Variants in GUCA1C observed in about 807,000 individuals in gnomAD.
The protein encoded by GUCA1C is guanylate cyclase activator 1C.
GUCA1C carries 15 observed loss-of-function variants against 16.2 expected under a neutral mutation model. That is an observed-to-expected ratio of 0.93 (90% CI 0.62 to 1.43). The LOEUF is 1.43. GUCA1C is among the 40% of genes most tolerant of loss of function. The pLI is 0.00. For synonymous variants in GUCA1C, 78 were observed against 85.4 expected (o/e 0.91, Z 0.48); for missense variants, 275 against 244.8 (o/e 1.12, Z -0.82).
At position 108,942,706 on chromosome 3, in the gene GUCA1C, G is replaced by A. The variant is rs73200612; in HGVS notation, c.204+10853C>T. 9.5e-3 allele frequency among the ~76,000 whole-genome samples: 1,453 copies of A among 152,308 alleles called. 20 individuals carry two copies. Among genetic ancestry groups the A allele is most frequent in the Non-Finnish European group, 0.013 (901 of 68,012 alleles). On this transcript the variant is annotated intron_variant, in intron 1 of 3. Coordinates refer to ENST00000261047, the MANE Select transcript of GUCA1C (RefSeq NM_005459.4). ...TGGAACCACAGAGTTAGTACAATGT[G>A]AGGGAAACCTCTCTCAAGCTTTGAT...
chr3:108,944,688 C>A (rs949987130), intron 1 of GUCA1C, among the ~76,000 whole-genome samples: 4 of 152,156 alleles, frequency 2.6e-5, no homozygotes, highest in Admixed American at 2.6e-4. Flanking sequence ...GCCTCTTGAA[C>A]CTGGTGCCTT....
intron 1 of GUCA1C, among the ~76,000 whole-genome samples, chr3:108,938,062 A>T (rs1442019364): frequency 2.0e-5 from 3 of 152,020 alleles, no homozygotes; most frequent in Non-Finnish European, 2.9e-5. Flanking sequence ...CTCTGTCTAA[A>T]AAAAAAAACA....
At chr3:108,949,732 G>A (rs1388064973) in intron 1 of GUCA1C, among the ~76,000 whole-genome samples, 3 of 151,772 alleles carry the variant, frequency 2.0e-5, no homozygotes, top group Non-Finnish European at 4.4e-5. Flanking sequence ...TCAAAAAGTG[G>A]GTTTTGTTTT....
intron 3 of GUCA1C, among the ~76,000 whole-genome samples, chr3:108,911,345 G>C (rs1336536074): frequency 2.6e-5 from 4 of 152,046 alleles, no homozygotes; most frequent in Admixed American, 2.0e-4. Flanking sequence ...TAGCATTTCT[G>C]GTCTAAAGAA....
At chr3:108,926,542 G>A (rs1418787578) in intron 1 of GUCA1C, among the ~76,000 whole-genome samples, 8 of 152,174 alleles carry the variant, frequency 5.3e-5, no homozygotes, top group African/African-American at 1.7e-4. Flanking sequence ...GTGCAGTGGC[G>A]TAATCTCAGC....
At chr3:108,921,997 C>G (rs1946573136) in intron 1 of GUCA1C, among the ~76,000 whole-genome samples, 1 of 152,142 alleles carries the variant, frequency 6.6e-6, no homozygotes, top group African/African-American at 2.4e-5. Flanking sequence ...TAGCTTAACT[C>G]CCACATATGA....
At chr3:108,928,698 C>G (rs1452190471) in intron 1 of GUCA1C, among the ~76,000 whole-genome samples, 2 of 152,168 alleles carry the variant, frequency 1.3e-5, no homozygotes, top group Admixed American at 6.6e-5. Context: ...AAAAGACTGT[C>G]TTTTCTCCAC....
chr3:108,914,042 G>C lies in GUCA1C; in HGVS notation c.442+2085C>G, dbSNP rs535843300. ...GATCACACCACTGCACTCCAGCCTG[G>C]GTGACAAAGCAAGACTCCATTTTAA... is the stretch of plus-strand genomic sequence containing the variant. On this transcript the variant is annotated intron_variant, in intron 3 of 3. Transcript: ENST00000261047. 1.3e-3 allele frequency among the ~76,000 whole-genome samples: 200 copies of C among 152,096 alleles called. 1 individual carries two copies. Among genetic ancestry groups the C allele is most frequent in the African/African-American group, 4.7e-3 (194 of 41,474 alleles).
At chr3:108,952,901 C>T (rs1216327205) in intron 1 of GUCA1C, among the ~76,000 whole-genome samples, 1 of 149,524 alleles carries the variant, frequency 6.7e-6, no homozygotes, top group African/African-American at 2.5e-5. Context: ...CTTTTCTCTT[C>T]TTTGTATTTT....
upstream of GUCA1C, among the ~76,000 whole-genome samples, chr3:108,954,198 C>T (rs572587644): frequency 3.3e-5 from 5 of 152,254 alleles, no homozygotes; most frequent in East Asian, 1.9e-4. Flanking sequence ...CTTACATTCT[C>T]GTGTTTCCTC....
chr3:108,952,589 T>A (rs1946905603), intron 1 of GUCA1C, among the ~76,000 whole-genome samples: 1 of 152,218 alleles, frequency 6.6e-6, no homozygotes, highest in Non-Finnish European at 1.5e-5. Context: ...ACCTGCTTCT[T>A]GGTTTAAAGT....
intron 1 of GUCA1C, 56 bp downstream of exon 1, chr3:108,953,503 G>A (rs996166199): frequency 2.9e-5 from 32 of 1,098,588 alleles, no homozygotes; most frequent in East Asian, 4.8e-5. Context: ...AAAAAAAAAA[G>A]GGAAGAGTGC....
At chr3:108,917,382 G>A (rs1247188417) in intron 2 of GUCA1C, among the ~76,000 whole-genome samples, 5 of 152,192 alleles carry the variant, frequency 3.3e-5, no homozygotes, top group African/African-American at 1.2e-4. Flanking sequence ...AAGTGGAGGA[G>A]CACTGAGGGG....
intron 1 of GUCA1C, 102 bp downstream of exon 1, chr3:108,953,457 T>G: frequency 1.4e-6 from 1 of 735,430 alleles, no homozygotes; most frequent in Non-Finnish European, 2.3e-6. Flanking sequence ...TTCAGTGGGA[T>G]GTACACATTT....
chr3:108,912,287 T>C (rs1219845516), intron 3 of GUCA1C, among the ~76,000 whole-genome samples: 2 of 151,846 alleles, frequency 1.3e-5, no homozygotes, highest in Non-Finnish European at 2.9e-5. Context: ...CCCTAAATCA[T>C]GTCAAGAATG....
intron 1 of GUCA1C, among the ~76,000 whole-genome samples, chr3:108,945,270 C>T (rs901469969): frequency 6.6e-6 from 1 of 152,206 alleles, no homozygotes; most frequent in Non-Finnish European, 1.5e-5. Flanking sequence ...TGTGCTGGCC[C>T]GCACCTGGCC....
rs760815757 is a variant in GUCA1C at position 108,949,099 on chromosome 3, C to T, written c.204+4460G>A. On this transcript the variant is annotated intron_variant, in intron 1 of 3. Coordinates refer to ENST00000261047, the MANE Select transcript of GUCA1C (RefSeq NM_005459.4). The stretch of plus-strand genomic sequence containing the variant: ...CTGACCTCAAGTGATTTGCCTGCCT[C>T]GGCCTCCCAAAGTGCTGGGATTACA... Among the ~76,000 whole-genome samples the T allele has an allele frequency of 1.1e-4, 16 of 152,118 alleles. No individual in the cohort carries two copies. In the South Asian group the frequency reaches 1.5e-3, roughly 14 times the overall value.
intron 1 of GUCA1C, among the ~76,000 whole-genome samples, chr3:108,923,268 T>C (rs1946586323): frequency 6.6e-6 from 1 of 152,200 alleles, no homozygotes. Flanking sequence ...AGGGTTTTTC[T>C]AGTGTTATCT....
intron 3 of GUCA1C, among the ~76,000 whole-genome samples, chr3:108,910,907 C>T (rs1315994950): frequency 6.6e-6 from 1 of 152,130 alleles, no homozygotes; most frequent in Non-Finnish European, 1.5e-5. Context: ...ACCTCGGCCC[C>T]CCAAAGTGCT....
Sources: allele counts gnomAD v4.1 joint callset (sites outside exome capture counted in the v4.1 genomes callset), GRCh38; gene constraint gnomAD v4.1.1; transcripts MANE v1.5; gene names NCBI Gene and HGNC (gene_info 2026-07-23, HGNC 2026-07-21).